MTUS2: variants seen among roughly 807,000 people sequenced by gnomAD.
The protein encoded by MTUS2 is microtubule associated scaffold protein 2.
Under a neutral mutation model 114.1 loss-of-function variants are expected in MTUS2, and 40 were observed. That is an observed-to-expected ratio of 0.35 (90% CI 0.27 to 0.46). MTUS2 has a LOEUF of 0.46. Among genes scored for constraint, MTUS2 ranks in the 20% least tolerant of loss-of-function variants. The pLI is 1.00. For synonymous variants in MTUS2, 688 were observed against 672.0 expected (o/e 1.02, Z -0.37); for missense variants, 1,679 against 1,705.4 (o/e 0.98, Z 0.27).
At chr13:29,020,108 A>G (rs921231651) in intron 2 of MTUS2, among the ~76,000 whole-genome samples, 11 of 152,196 alleles carry the variant, frequency 7.2e-5, no homozygotes, top group Non-Finnish European at 1.6e-4. Flanking sequence ...GAAGACTCTT[A>G]AGCATCAGGT....
At chr13:29,338,423 T>C (rs1370860049) in intron 7 of MTUS2, among the ~76,000 whole-genome samples, 2 of 109,270 alleles carry the variant, frequency 1.8e-5, no homozygotes, top group Non-Finnish European at 4.4e-5. Context: ...CCAGTCTCTA[T>C]TAAAATACAA....
intron 8 of MTUS2, among the ~76,000 whole-genome samples, chr13:29,427,864 C>A (rs1392478967): frequency 6.6e-6 from 1 of 152,172 alleles, no homozygotes; most frequent in East Asian, 1.9e-4. Flanking sequence ...TAAATATTTG[C>A]TTCTTTTACT....
intron 4 of MTUS2, among the ~76,000 whole-genome samples, chr13:29,051,842 A>G (rs1386702058): frequency 6.6e-6 from 1 of 152,194 alleles, no homozygotes; most frequent in Non-Finnish European, 1.5e-5. Context: ...AAGTGTAGCC[A>G]CCTCAGGCTT....
chr13:29,030,766 A>G (rs1200529644), intron 3 of MTUS2, among the ~76,000 whole-genome samples: 1 of 152,206 alleles, frequency 6.6e-6, no homozygotes, highest in East Asian at 1.9e-4. Flanking sequence ...TTAAAAATAA[A>G]AACTCAAACC....
chr13:29,317,449 T>TTTTTTTTTTTTTTTTTTTGGG (rs1900045388), intron 6 of MTUS2, among the ~76,000 whole-genome samples: 1 of 53,000 alleles, frequency 1.9e-5, no homozygotes, highest in African/African-American at 5.6e-5. Context: ...TTTTTTTTTT[T>TTTTTTTTTTTTTTTTTTTGGG]GAGACGGAGT....
intron 4 of MTUS2, 53 bp downstream of exon 4, chr13:29,034,178 C>T (rs1326871037): frequency 1.2e-5 from 19 of 1,606,558 alleles, no homozygotes; most frequent in Non-Finnish European, 1.4e-5. Flanking sequence ...AGATAGTCAT[C>T]ATGTAAGATG....
intron 2 of MTUS2, among the ~76,000 whole-genome samples, chr13:28,953,720 C>T (rs1164088898): frequency 6.6e-6 from 1 of 152,158 alleles, no homozygotes; most frequent in African/African-American, 2.4e-5. Context: ...ATATAGTCCC[C>T]TCCCTAGATT....
chr13:29,325,530 A>G (rs1593304929), intron 7 of MTUS2, among the ~76,000 whole-genome samples: 3 of 109,292 alleles, frequency 2.7e-5, no homozygotes, highest in South Asian at 3.6e-4. Flanking sequence ...AGGAGGGAGG[A>G]AGGAGAAGAA....
At chr13:28,858,583 G>GTGC (rs1005975810) in intron 2 of MTUS2, among the ~76,000 whole-genome samples, 1 of 152,128 alleles carries the variant, frequency 6.6e-6, no homozygotes, top group African/African-American at 2.4e-5. Context: ...ATTACAGCAC[G>GTGC]TGCCCACCAT....
intron 12 of MTUS2, among the ~76,000 whole-genome samples, chr13:29,495,235 G>A (rs1290738548): frequency 3.4e-5 from 5 of 145,868 alleles, no homozygotes; most frequent in African/African-American, 1.3e-4. Flanking sequence ...GTGGGGGCCT[G>A]TAATCCCAGC....
intron 11 of MTUS2, among the ~76,000 whole-genome samples, 163 bp from the exon 12 acceptor site, chr13:29,492,483 G>C (rs1882259027): frequency 6.6e-6 from 1 of 151,984 alleles, no homozygotes; most frequent in Non-Finnish European, 1.5e-5. Flanking sequence ...ACCTGGTCAT[G>C]ACATACAATT....
chr13:29,132,649 C>T (rs1033037747), intron 5 of MTUS2, among the ~76,000 whole-genome samples: 1 of 152,148 alleles, frequency 6.6e-6, no homozygotes, highest in Admixed American at 6.5e-5. Context: ...TATATAATGT[C>T]CTCAGGGTTC....
intron 8 of MTUS2, among the ~76,000 whole-genome samples, chr13:29,429,898 G>C (rs1429420083): frequency 6.6e-6 from 1 of 152,164 alleles, no homozygotes; most frequent in Non-Finnish European, 1.5e-5. Context: ...TATGAACTTT[G>C]ACCTAAAGTA....
intron 2 of MTUS2, among the ~76,000 whole-genome samples, chr13:28,977,071 T>G (rs946246304): frequency 3.9e-5 from 6 of 151,946 alleles, no homozygotes; most frequent in Admixed American, 3.3e-4. Context: ...GAACTGGATA[T>G]GGGGAGTGAA....
chr13:29,056,684 A>G (rs367867411), intron 4 of MTUS2, among the ~76,000 whole-genome samples: 1 of 151,416 alleles, frequency 6.6e-6, no homozygotes, highest in Non-Finnish European at 1.5e-5. Context: ...TGTTGTGTTT[A>G]TTTGCATCGT....
chr13:29,000,457 G>A (rs897585952), intron 2 of MTUS2, among the ~76,000 whole-genome samples: 1 of 151,970 alleles, frequency 6.6e-6, no homozygotes, highest in African/African-American at 2.4e-5. Context: ...CCACCCCCTG[G>A]GTTTAAGCAA....
At chr13:29,236,782 G>A (rs554096843) in intron 5 of MTUS2, among the ~76,000 whole-genome samples, 91 of 152,180 alleles carry the variant, frequency 6.0e-4, no homozygotes, top group Non-Finnish European at 1.1e-3. Flanking sequence ...AGGAACAGGT[G>A]CTATTGTTAC....
intron 8 of MTUS2, among the ~76,000 whole-genome samples, chr13:29,389,388 C>CGT (rs150320977): frequency 1.0e-3 from 14 of 13,882 alleles, no homozygotes; most frequent in African/African-American, 1.3e-3. Context: ...TATGTATACA[C>CGT]GTGTGTGTAT....
intron 5 of MTUS2, among the ~76,000 whole-genome samples, chr13:29,136,629 G>C (rs1273619131): frequency 6.6e-6 from 1 of 152,200 alleles, no homozygotes; most frequent in Non-Finnish European, 1.5e-5. Context: ...TTTCTGGATA[G>C]CTGAACACAT....
Sources: gnomAD v4.1 joint callset for allele counts (sites outside exome capture counted in the v4.1 genomes callset) on GRCh38, gnomAD v4.1.1 for gene constraint, MANE v1.5 for transcripts, NCBI Gene and HGNC (gene_info 2026-07-23, HGNC 2026-07-21) for gene names.